The following POLR2F variants were observed in gnomAD, a reference collection of about 807,000 sequenced individuals.
The protein encoded by POLR2F is DNA-directed RNA polymerases I, II, and III subunit RPABC2.
A neutral mutation model predicts 22.7 loss-of-function variants in POLR2F; 12 were observed. The observed-to-expected ratio is 0.53, with a 90% CI of 0.34 to 0.86. The LOEUF is 0.86. Among genes scored for constraint, POLR2F ranks in the 40% least tolerant of loss-of-function variants. The pLI is 0.02. For synonymous variants in POLR2F, 57 were observed against 66.0 expected, an observed-to-expected ratio of 0.86 and a Z score of 0.66; for missense variants, 126 against 171.5, an observed-to-expected ratio of 0.73 and a Z score of 1.48.
At chr22:37,969,320 T>G (rs1569166084), downstream of POLR2F, 1 of 985,270 alleles carries the variant, frequency 1.0e-6, no homozygotes, top group East Asian at 1.1e-4. Context: ...CCACTATTGG[T>G]TCTGTTTTCT....
intron 1 of POLR2F, among the ~76,000 whole-genome samples, chr22:38,024,847 C>T (rs147038258): frequency 2.6e-5 from 4 of 152,056 alleles, no homozygotes; most frequent in East Asian, 1.9e-4. Flanking sequence ...CTGGAGGGGT[C>T]GTGCAGGGTG....
chr22:37,956,872 T>C, intron 2 of POLR2F, 30 bp downstream of exon 2: 1 of 1,566,078 alleles, frequency 6.4e-7, no homozygotes, highest in Non-Finnish European at 8.8e-7. Flanking sequence ...CTCCCACCTC[T>C]GCAGCCCAAG....
At chr22:37,987,312 T>A (rs1306353611) in intron 1 of POLR2F, 4 of 456,650 alleles carry the variant, frequency 8.8e-6, no homozygotes, top group South Asian at 6.2e-5. Context: ...ACTCAGAAGA[T>A]GGGCCCCAGA....
intron 1 of POLR2F, among the ~76,000 whole-genome samples, chr22:38,024,591 G>C (rs1399485519): frequency 6.6e-6 from 1 of 152,100 alleles, no homozygotes; most frequent in Non-Finnish European, 1.5e-5. Context: ...GCAGGGGCAG[G>C]GACAAACATG....
intron 1 of POLR2F, among the ~76,000 whole-genome samples, chr22:38,011,833 A>C (rs1479942822): frequency 6.6e-6 from 1 of 152,032 alleles, no homozygotes; most frequent in South Asian, 2.1e-4. Context: ...GATTGAATTA[A>C]ATCTATAGGA....
chr22:38,025,361 C>T (rs1383093476), intron 1 of POLR2F, among the ~76,000 whole-genome samples: 2 of 152,112 alleles, frequency 1.3e-5, no homozygotes, highest in Non-Finnish European at 2.9e-5. Context: ...ACAACGTACA[C>T]ACACACACGC....
intron 1 of POLR2F, among the ~76,000 whole-genome samples, chr22:38,009,587 A>T (rs545958766): frequency 6.6e-6 from 1 of 152,244 alleles, no homozygotes; most frequent in Non-Finnish European, 1.5e-5. Flanking sequence ...ACATGTATGC[A>T]TCACACATGA....
intron 1 of POLR2F, among the ~76,000 whole-genome samples, chr22:37,993,453 T>C (rs540321685): frequency 8.5e-5 from 13 of 152,164 alleles, no homozygotes; most frequent in Middle Eastern, 3.2e-3. Context: ...CCAGTCAGAA[T>C]TTAGCGTTTG....
chr22:37,962,227 AAAAC>A (rs751553709), intron 3 of POLR2F, among the ~76,000 whole-genome samples: 23 of 152,164 alleles, frequency 1.5e-4, no homozygotes, highest in Admixed American at 3.3e-4. Context: ...ACTCCATCTC[AAAAC>A]AAACAAACAA....
At chr22:38,005,478 G>A (rs959165128) in intron 1 of POLR2F, among the ~76,000 whole-genome samples, 5 of 152,328 alleles carry the variant, frequency 3.3e-5, no homozygotes, top group East Asian at 1.9e-4. Context: ...TCAGCTCAGG[G>A]GTGATGGAAC....
At chr22:38,000,075 G>A (rs1014592476) in intron 1 of POLR2F, among the ~76,000 whole-genome samples, 1 of 152,194 alleles carries the variant, frequency 6.6e-6, no homozygotes, top group Non-Finnish European at 1.5e-5. Flanking sequence ...CTGTGTGCCA[G>A]CGTCATTTCC....
intron 3 of POLR2F, among the ~76,000 whole-genome samples, chr22:37,965,243 G>T (rs1221317742): frequency 6.6e-6 from 1 of 152,154 alleles, no homozygotes; most frequent in Non-Finnish European, 1.5e-5. Context: ...CTGACCTCAG[G>T]TGATTCACCT....
intron 5 of POLR2F, among the ~76,000 whole-genome samples, chr22:38,037,439 A>ATTTTTTTTTTTT (rs10624395): frequency 4.0e-5 from 5 of 124,206 alleles, no homozygotes; most frequent in African/African-American, 1.6e-4. Context: ...ATGCTCGGCT[A>ATTTTTTTTTTTT]TTTTTTTTTT....
upstream of POLR2F, among the ~76,000 whole-genome samples, chr22:37,982,145 C>T (rs1202671344): frequency 6.6e-6 from 1 of 152,190 alleles, no homozygotes; most frequent in Non-Finnish European, 1.5e-5. Context: ...TTCCCCCCAA[C>T]CTCCTGACCA....
intron 5 of POLR2F, among the ~76,000 whole-genome samples, chr22:38,039,272 A>T (rs2085148690): frequency 6.6e-6 from 1 of 152,102 alleles, no homozygotes; most frequent in Admixed American, 6.5e-5. Context: ...GGAAACTGAA[A>T]CACAACTTGT....
At chr22:37,991,721 A>G (rs991411004) in intron 1 of POLR2F, among the ~76,000 whole-genome samples, 1 of 151,966 alleles carries the variant, frequency 6.6e-6, no homozygotes, top group African/African-American at 2.4e-5. Context: ...TTGGTTTCCA[A>G]CTCCGTTCAG....
downstream of POLR2F, among the ~76,000 whole-genome samples, chr22:38,029,910 C>T (rs576944407): frequency 3.9e-5 from 6 of 152,306 alleles, no homozygotes; most frequent in African/African-American, 1.4e-4. Flanking sequence ...TGTGAATGAG[C>T]CTTGCAGGCT....
rs774791641 is a variant in POLR2F at position 37,956,786 on chromosome 22, G to T, written c.34G>T (p.Asp12Tyr). Residue 12 changes from aspartate to tyrosine, a missense_variant, in exon 2 of 5, where the codon GAC (aspartate) becomes TAC (tyrosine). Physicochemically the swap from Asp to Tyr is radical, Grantham distance 160 (BLOSUM62 -3). Transcript: ENST00000442738. ...SDNEDNFDGD[D>Y]FDDVEEDEGL... The stretch of plus-strand genomic sequence containing the variant: ...CTTCCTGTACAGTTTTGATGGCGAC[G>T]ACTTTGATGATGTGGAGGAGGATGA... The T allele has an allele frequency of 6.2e-7, 1 of 1,613,746 alleles. No homozygotes were observed. Among genetic ancestry groups the T allele is most frequent in the African/African-American group, 1.3e-5 (1 of 74,902 alleles).
rs2084728403 is a variant in POLR2F at position 37,997,704 on chromosome 22, C to T, written c.120+11392C>T. Among the ~76,000 whole-genome samples the T allele has an allele frequency of 6.6e-6, 1 of 152,150 alleles. No homozygotes were observed. Among genetic ancestry groups the T allele is most frequent in the Non-Finnish European group, 1.5e-5 (1 of 68,020 alleles). On this transcript the variant is annotated intron_variant, in intron 1 of 2. Transcript: ENST00000333418. The surrounding 1 kb of genome is among the most constrained non-coding windows in gnomAD (Gnocchi z 4.4). ...GCATGCCCTGGGTCACCCTGCCCCT[C>T]CCTCGTGCCTGTGCCCAGCTCCGCA...
Sources: gnomAD v4.1 joint callset for allele counts (sites outside exome capture counted in the v4.1 genomes callset) on GRCh38, gnomAD v4.1.1 for gene constraint, Gnocchi (gnomAD v3.1) non-coding constraint, MANE v1.5 for transcripts, NCBI Gene and HGNC (gene_info 2026-07-23, HGNC 2026-07-21) for gene names.